ZNF469: variants seen among roughly 807,000 people sequenced by gnomAD.
The protein encoded by ZNF469 is zinc finger protein 469.
In ZNF469, 1 loss-of-function variant was observed where a neutral mutation model predicts 1.0. The ratio of observed to expected loss-of-function variants is 1.00; its 90% CI spans 0.35 to 4.73. The LOEUF is 4.73. ZNF469 is among the 30% of genes most tolerant of loss of function. The pLI, the probability that ZNF469 is intolerant of heterozygous loss-of-function variation, is 0.16. For missense variants in ZNF469, 6,100 were observed against 5,356.3 expected, an observed-to-expected ratio of 1.14 and a Z score of -4.33; for synonymous variants, 2,703 against 2,363.4, an observed-to-expected ratio of 1.14 and a Z score of -4.17.
chr16:88,299,341 T>C, the ZNF469 span, among the ~76,000 whole-genome samples: 2 of 151,748 alleles, frequency 1.3e-5, no homozygotes, highest in African/African-American at 4.8e-5. Flanking sequence ...AGGAAGCAGC[T>C]TGCAGCAGGA....
At chr16:88,232,882 C>G in the ZNF469 span, among the ~76,000 whole-genome samples, 2 of 152,376 alleles carry the variant, frequency 1.3e-5, no homozygotes, top group East Asian at 1.9e-4. Context: ...TGCGCCCCAG[C>G]CTTCTCAGCA....
the ZNF469 span, among the ~76,000 whole-genome samples, chr16:88,363,494 C>G: frequency 6.6e-6 from 1 of 152,240 alleles, no homozygotes; most frequent in Non-Finnish European, 1.5e-5. Flanking sequence ...TGCCTGGGGT[C>G]TACCCCATGC....
chr16:88,141,948 A>T, the ZNF469 span, among the ~76,000 whole-genome samples: 1 of 152,230 alleles, frequency 6.6e-6, no homozygotes, highest in Non-Finnish European at 1.5e-5. Context: ...GGGAGAATGC[A>T]TTCGTGTTGT....
the ZNF469 span, among the ~76,000 whole-genome samples, chr16:88,283,896 T>C: frequency 0.018 from 1,910 of 104,932 alleles, 60 homozygotes; most frequent in African/African-American, 0.083. Flanking sequence ...CTGAGGTCTG[T>C]GGAGGCTGGT....
the ZNF469 span, among the ~76,000 whole-genome samples, chr16:88,153,682 C>T: frequency 3.3e-5 from 5 of 152,244 alleles, no homozygotes; most frequent in Non-Finnish European, 1.5e-5. Context: ...CTGAGGCAGG[C>T]GCTTGCTGCT....
At chr16:88,191,991 T>C in the ZNF469 span, 1 of 152,186 alleles carries the variant, frequency 6.6e-6, no homozygotes, top group Non-Finnish European at 1.5e-5. Context: ...TAAGTTTAGA[T>C]GAGGCCATGA....
the ZNF469 span, among the ~76,000 whole-genome samples, chr16:88,143,403 G>T: frequency 6.6e-6 from 1 of 152,178 alleles, no homozygotes; most frequent in Admixed American, 6.5e-5. Flanking sequence ...CTGGGGCGCC[G>T]AGCAGGGTGG....
chr16:88,218,901 A>G, the ZNF469 span, among the ~76,000 whole-genome samples: 1 of 144,692 alleles, frequency 6.9e-6, no homozygotes, highest in Non-Finnish European at 1.5e-5. Context: ...CCTTAAGCTG[A>G]TAAGCAACTT....
chr16:88,135,659 C>T, the ZNF469 span, among the ~76,000 whole-genome samples: 6 of 151,684 alleles, frequency 4.0e-5, no homozygotes, highest in East Asian at 9.7e-4. Context: ...CCTGGGCATT[C>T]GGTTCCTCAG....
At chr16:88,286,999 C>T in the ZNF469 span, among the ~76,000 whole-genome samples, 7 of 152,140 alleles carry the variant, frequency 4.6e-5, no homozygotes, top group South Asian at 2.1e-4. Flanking sequence ...GCCTAAGTCC[C>T]GTTTTTCTTA....
the ZNF469 span, among the ~76,000 whole-genome samples, chr16:88,202,086 C>T: frequency 2.6e-5 from 4 of 152,164 alleles, no homozygotes; most frequent in Admixed American, 6.5e-5. Flanking sequence ...AGCCACCCCA[C>T]GGGCAGTGGC....
At chr16:88,194,838 T>A in the ZNF469 span, 1 of 152,196 alleles carries the variant, frequency 6.6e-6, no homozygotes, top group African/African-American at 2.4e-5. Flanking sequence ...TTTCGTAACG[T>A]CAGAGGAGGC....
the ZNF469 span, among the ~76,000 whole-genome samples, chr16:88,229,852 C>A: frequency 6.6e-6 from 1 of 152,206 alleles, no homozygotes; most frequent in Non-Finnish European, 1.5e-5. Context: ...GGAGGGTGAA[C>A]AGCAGGGACC....
chr16:88,255,231 A>T, the ZNF469 span, among the ~76,000 whole-genome samples: 1 of 152,190 alleles, frequency 6.6e-6, no homozygotes, highest in Non-Finnish European at 1.5e-5. Context: ...GGGTCCTCTC[A>T]TTCATTCCTC....
At chr16:88,363,021 A>G in the ZNF469 span, among the ~76,000 whole-genome samples, 2 of 152,130 alleles carry the variant, frequency 1.3e-5, no homozygotes, top group Non-Finnish European at 2.9e-5. Context: ...CATTTCAGAT[A>G]TTGTATATTT....
At chr16:88,348,642 G>C in the ZNF469 span, among the ~76,000 whole-genome samples, 1 of 152,300 alleles carries the variant, frequency 6.6e-6, no homozygotes, top group East Asian at 1.9e-4. Flanking sequence ...ACTGACCAGG[G>C]CCAGCCCAGG....
chr16:88,223,138 C>T, the ZNF469 span, among the ~76,000 whole-genome samples: 1 of 152,128 alleles, frequency 6.6e-6, no homozygotes, highest in African/African-American at 2.4e-5. Flanking sequence ...TGGCTGTGTC[C>T]CCACCCAAAT....
chr16:88,225,098 C>A, the ZNF469 span, among the ~76,000 whole-genome samples: 1 of 152,240 alleles, frequency 6.6e-6, no homozygotes, highest in Non-Finnish European at 1.5e-5. Flanking sequence ...TGCCTACGGG[C>A]GCCTGGCGCA....
At chr16:88,123,894 C>T in the ZNF469 span, among the ~76,000 whole-genome samples, 1 of 152,094 alleles carries the variant, frequency 6.6e-6, no homozygotes, top group African/African-American at 2.4e-5. Flanking sequence ...AACTCCGTCT[C>T]CCAGGTTCAA....
Sources: allele counts gnomAD v4.1 joint callset (sites outside exome capture counted in the v4.1 genomes callset), GRCh38; gene constraint gnomAD v4.1.1; transcripts MANE v1.5; gene names NCBI Gene and HGNC (gene_info 2026-07-23, HGNC 2026-07-21).